The following CNBD1 variants were observed in gnomAD, a reference collection of about 807,000 sequenced individuals.
CNBD1 encodes the protein cyclic nucleotide binding domain containing 1.
In CNBD1, 71 loss-of-function variants were observed where a neutral mutation model predicts 54.4. That is an observed-to-expected ratio of 1.30 (90% CI 1.08 to 1.59). The LOEUF (loss-of-function observed/expected upper bound fraction) is 1.59, where lower values mean the gene tolerates loss of function less well. CNBD1 is among the 40% of genes most tolerant of loss of function. CNBD1 has a pLI of 0.00. For missense variants in CNBD1, 659 were observed against 518.0 expected (o/e 1.27, Z -2.64); for synonymous variants, 182 against 170.7 (o/e 1.07, Z -0.51).
chr8:87,257,222 T>C lies in CNBD1; in HGVS notation c.771+20110T>C, dbSNP rs953723008. Among the ~76,000 whole-genome samples, 5 of 151,034 alleles carry C rather than the reference T, an allele frequency of 3.3e-5. No homozygotes were observed. In the South Asian group the frequency reaches 1.0e-3, roughly 32 times the overall value. ...TGTCTCTACTAAAAATAAAAAAAAT[T>C]AGCCAGTGTGGTAGCAGGCACCTGT... On this transcript the variant is annotated intron_variant, in intron 6 of 10. Transcript: ENST00000518476.
At chr8:87,146,471 CTTAAT>C (rs1812490474) in intron 4 of CNBD1, among the ~76,000 whole-genome samples, 1 of 152,106 alleles carries the variant, frequency 6.6e-6, no homozygotes, top group Non-Finnish European at 1.5e-5. Flanking sequence ...GTGCTCTCAA[CTTAAT>C]TTATTTTGTT....
chr8:87,344,575 T>C (rs561612534), intron 8 of CNBD1, among the ~76,000 whole-genome samples: 1 of 152,114 alleles, frequency 6.6e-6, no homozygotes, highest in Admixed American at 6.6e-5. Context: ...CAAGATGTAA[T>C]AAAATAAATC....
chr8:87,141,706 A>T (rs961518655), intron 4 of CNBD1, among the ~76,000 whole-genome samples: 1 of 152,086 alleles, frequency 6.6e-6, no homozygotes, highest in African/African-American at 2.4e-5. Flanking sequence ...AGAGCAGCAG[A>T]CGTATTATTA....
chr8:87,241,561 T>C (rs562729237), intron 6 of CNBD1, among the ~76,000 whole-genome samples: 22 of 152,246 alleles, frequency 1.4e-4, no homozygotes, highest in South Asian at 4.1e-4. Context: ...CGTGAGCCAC[T>C]GCACCCCGCC....
chr8:87,342,134 A>G (rs1463621791), intron 8 of CNBD1, among the ~76,000 whole-genome samples: 2 of 152,100 alleles, frequency 1.3e-5, no homozygotes, highest in East Asian at 3.9e-4. Context: ...TTAGCCGGGC[A>G]TGGTGGCAGG....
intron 10 of CNBD1, among the ~76,000 whole-genome samples, chr8:87,381,131 G>A (rs146429786): frequency 2.6e-5 from 4 of 151,916 alleles, no homozygotes; most frequent in Admixed American, 1.3e-4. Flanking sequence ...TTTGCAAACC[G>A]TGCAACTGAT....
chr8:87,250,331 G>C (rs1402487780), intron 6 of CNBD1, among the ~76,000 whole-genome samples: 1 of 152,122 alleles, frequency 6.6e-6, no homozygotes, highest in Admixed American at 6.5e-5. Flanking sequence ...CACAAATGTT[G>C]GCCAGGATAT....
chr8:87,267,311 T>A (rs1808280142), intron 6 of CNBD1, among the ~76,000 whole-genome samples: 1 of 152,012 alleles, frequency 6.6e-6, no homozygotes, highest in Admixed American at 6.6e-5. Flanking sequence ...TAAATCTCAG[T>A]AAATAACAAA....
At chr8:87,389,153 G>T (rs1368605428) in intron 2 of CNBD1, among the ~76,000 whole-genome samples, 1 of 152,114 alleles carries the variant, frequency 6.6e-6, no homozygotes, top group Non-Finnish European at 1.5e-5. Flanking sequence ...CATCCTGAAT[G>T]GGCAAAAACT....
chr8:87,149,756 A>T (rs1812563756), intron 4 of CNBD1, among the ~76,000 whole-genome samples: 1 of 152,148 alleles, frequency 6.6e-6, no homozygotes, highest in South Asian at 2.1e-4. Flanking sequence ...CTAGAAAAAA[A>T]ATAGTTTAAA....
downstream of CNBD1, among the ~76,000 whole-genome samples, chr8:87,383,425 C>G (rs1376426005): frequency 6.6e-6 from 1 of 152,020 alleles, no homozygotes; most frequent in African/African-American, 2.4e-5. Context: ...CTAAAAATGT[C>G]TGTTATTATT....
chr8:86,917,775 G>A (rs1326291457), intron 3 of CNBD1, among the ~76,000 whole-genome samples: 1 of 152,122 alleles, frequency 6.6e-6, no homozygotes. Context: ...CTACAATCAT[G>A]TAAGCAATCC....
rs533194201 is a variant in CNBD1, at chr8:87,420,164, A to AT, written c.214-8374dup. Among the ~76,000 whole-genome samples, 122 of 151,578 alleles carry AT rather than the reference A, an allele frequency of 8.0e-4. 2 individuals carry two copies. Among genetic ancestry groups the AT allele is most frequent in the Admixed American group, 1.9e-3 (29 of 15,168 alleles). On this transcript the variant is annotated intron_variant, in intron 2 of 7. Coordinates refer to the CNBD1 transcript ENST00000521593. ...ATCACTTTTCAGACTCTTAGTTTTA[A>AT]TTTTTTTTGCTCAATGAACCCAGAT...
chr8:87,411,601 A>C (rs1030663079), intron 2 of CNBD1, among the ~76,000 whole-genome samples: 16 of 150,220 alleles, frequency 1.1e-4, no homozygotes, highest in African/African-American at 3.4e-4. Flanking sequence ...ATGTATATCC[A>C]TTTATTGACA....
chr8:87,390,948 G>A (rs1811296525), intron 2 of CNBD1, among the ~76,000 whole-genome samples: 1 of 152,074 alleles, frequency 6.6e-6, no homozygotes, highest in Non-Finnish European at 1.5e-5. Context: ...GTAGGGAGAT[G>A]GATGAAGCTG....
rs1346265426 is a variant in CNBD1, at chr8:87,325,355, C to G, written c.1043-26330C>G. ...AGAGCTGAGTTCAATTCCTGGGTATCCTTGTTGACTTTCTGTCTCGTTGAT... is the reference window on the plus strand; with the variant it reads ...AGAGCTGAGTTCAATTCCTGGGTATGCTTGTTGACTTTCTGTCTCGTTGAT... On this transcript the variant is annotated intron_variant, in intron 8 of 10. Transcript: ENST00000518476. Among the ~76,000 whole-genome samples, 25 of 91,358 alleles carry G rather than the reference C, an allele frequency of 2.7e-4. 3 individuals are homozygous for G. The highest frequency in any genetic ancestry group is 1.5e-3 in the African/African-American group (22 of 14,946). The allele number at this position is 91,358 out of a possible 152,430, so 59.9% of individuals were successfully genotyped here. A position where few individuals can be genotyped will look rare whatever the true frequency, so the allele number is the denominator to read the frequency against.
At chr8:86,889,513 G>T (rs535674675) in intron 2 of CNBD1, among the ~76,000 whole-genome samples, 4 of 152,068 alleles carry the variant, frequency 2.6e-5, no homozygotes, top group African/African-American at 9.7e-5. Context: ...TAGAAAGGCT[G>T]AGAATTAAAT....
intron 4 of CNBD1, among the ~76,000 whole-genome samples, chr8:87,101,541 C>T (rs908460876): frequency 3.3e-5 from 5 of 151,586 alleles, no homozygotes; most frequent in Non-Finnish European, 5.9e-5. Flanking sequence ...TAGACAAAAC[C>T]GTAATTGGAG....
intron 2 of CNBD1, among the ~76,000 whole-genome samples, chr8:87,402,244 G>T (rs931318904): frequency 6.6e-6 from 1 of 151,816 alleles, no homozygotes; most frequent in Non-Finnish European, 1.5e-5. Context: ...CCTCCCACCG[G>T]GTCCCTCCCA....
Sources: allele counts gnomAD v4.1 joint callset (sites outside exome capture counted in the v4.1 genomes callset), GRCh38; gene constraint gnomAD v4.1.1; transcripts MANE v1.5; gene names NCBI Gene and HGNC (gene_info 2026-07-23, HGNC 2026-07-21).